Variants in SORL1 observed in about 807,000 individuals in gnomAD.
The protein encoded by SORL1 is sortilin-related receptor.
Under a neutral mutation model 273.7 loss-of-function variants are expected in SORL1, and 127 were observed. The ratio of observed to expected loss-of-function variants is 0.46; its 90% CI spans 0.40 to 0.54. SORL1 has a LOEUF of 0.54. Among genes scored for constraint, SORL1 ranks in the 20% least tolerant of loss-of-function variants. SORL1 has a pLI of 0.00. For missense variants in SORL1, 2,494 were observed against 2,846.1 expected (o/e 0.88, Z 2.81); for synonymous variants, 1,031 against 1,067.4 (o/e 0.97, Z 0.66).
chr11:121,623,633 G>C (rs1863754289), intron 45 of SORL1, among the ~76,000 whole-genome samples: 1 of 152,214 alleles, frequency 6.6e-6, no homozygotes, highest in Admixed American at 6.5e-5. Flanking sequence ...GGTAATAACT[G>C]CTGGCTTATA....
At position 121,514,148 on chromosome 11, in the gene SORL1, A is replaced by G; in HGVS notation, c.1042-4A>G. ...CGTATCTTTTTTGACTTTTGATTCC[A>G]AAGGAATATTACATCGCAGATGCCT... On this transcript the variant is annotated splice_polypyrimidine_tract_variant and splice_region_variant and intron_variant, in intron 7 of 47. Coordinates refer to ENST00000260197, the MANE Select transcript of SORL1 (RefSeq NM_003105.6). 1 of 1,609,830 alleles carries G rather than the reference A, an allele frequency of 6.2e-7. No individual in the cohort carries two copies. Among genetic ancestry groups the G allele is most frequent in the Non-Finnish European group, 8.5e-7 (1 of 1,178,390 alleles).
In SORL1 at chr11:121,559,668, G is replaced by A. The variant is rs1314125178; in HGVS notation, c.3049+11G>A. 5 of 1,613,560 alleles carry A rather than the reference G, an allele frequency of 3.1e-6. No individual in the cohort carries two copies. Among genetic ancestry groups the A allele is most frequent in the South Asian group, 1.1e-5 (1 of 91,006 alleles). On this transcript the variant is annotated intron_variant, in intron 21 of 47. Coordinates refer to ENST00000260197, the MANE Select transcript of SORL1 (RefSeq NM_003105.6). ...AGGGGAAGAACACTGGTAAGCCAGA[G>A]TCTCTTCTTTTGTCTCTGTAGAGTT...
chr11:121,463,925 A>G (rs887308502), intron 1 of SORL1, among the ~76,000 whole-genome samples: 2 of 152,226 alleles, frequency 1.3e-5, no homozygotes, highest in African/African-American at 4.8e-5. Context: ...ATGGTTTGGG[A>G]AAACCTTGTT....
chr11:121,496,077 G>A (rs368274504), intron 5 of SORL1, among the ~76,000 whole-genome samples: 3 of 152,222 alleles, frequency 2.0e-5, no homozygotes, highest in African/African-American at 7.2e-5. Context: ...GGAATTGGAT[G>A]CTGCAGAGGG....
intron 1 of SORL1, among the ~76,000 whole-genome samples, chr11:121,464,744 C>G (rs1861057013): frequency 6.6e-6 from 1 of 152,128 alleles, no homozygotes; most frequent in African/African-American, 2.4e-5. Flanking sequence ...TAGCCTTGGG[C>G]CTGCGGCTGT....
chr11:121,483,932 A>G (rs1861434550), intron 3 of SORL1, among the ~76,000 whole-genome samples: 1 of 152,062 alleles, frequency 6.6e-6, no homozygotes, highest in Non-Finnish European at 1.5e-5. Flanking sequence ...ATGTGACCCC[A>G]GTAAGTAGAG....
chr11:121,562,780 A>G (rs1862697951), intron 21 of SORL1, among the ~76,000 whole-genome samples: 1 of 152,206 alleles, frequency 6.6e-6, no homozygotes, highest in Non-Finnish European at 1.5e-5. Flanking sequence ...AAAAAATCTT[A>G]CACCGAGTTT....
chr11:121,605,581 T>C lies in SORL1; in HGVS notation c.4948+10T>C. On this transcript the variant is annotated intron_variant, in intron 35 of 47. Coordinates refer to ENST00000260197, the MANE Select transcript of SORL1 (RefSeq NM_003105.6). ...AGGACCCCAGAGGGATGTAAGTGTTTCAGTTAATTTTTATGGCATGGGTAA... is the reference window on the plus strand; with the variant it reads ...AGGACCCCAGAGGGATGTAAGTGTTCCAGTTAATTTTTATGGCATGGGTAA... 6.2e-7 allele frequency: 1 copy of C among 1,607,546 alleles called. No homozygotes were observed. The highest frequency in any genetic ancestry group is 8.5e-7 in the Non-Finnish European group (1 of 1,174,780).
At position 121,452,467 on chromosome 11, in the gene SORL1, C is replaced by G. The variant is rs200826396; in HGVS notation, c.136C>G (p.Arg46Gly). ...HGGSAPLPQD[R>G]GFLVVQGDPR... ...CGGCAGCGCGCCCTTGCCCCAGGAC[C>G]GGGGCTTCCTCGTGGTGCAGGGCGA... is the stretch of plus-strand genomic sequence containing the variant. The change falls in exon 1 of 48, where the codon CGG becomes GGG. Residue 46 changes from arginine to glycine, a missense_variant. By Grantham distance (125) the Arg-to-Gly change is moderately radical. This residue lies in a region of SORL1 where 175 missense variants were observed against 147.1 expected (regional missense o/e 1.19). Coordinates refer to ENST00000260197, the MANE Select transcript of SORL1 (RefSeq NM_003105.6). This position sits in a 1 kb window ranked among gnomAD's most constrained non-coding sequence, Gnocchi z 5.3. 1.5e-4 allele frequency: 219 copies of G among 1,507,152 alleles called. No individual in the cohort carries two copies. In the African/African-American group the frequency reaches 3.0e-3, roughly 20 times the overall value. The allele number at this position is 1,507,152 out of a possible 1,614,324, so 93.4% of individuals were successfully genotyped here. A position where few individuals can be genotyped will look rare whatever the true frequency, so the allele number is the denominator to read the frequency against.
chr11:121,617,728 G>T (rs1863661435), intron 41 of SORL1, among the ~76,000 whole-genome samples: 1 of 152,164 alleles, frequency 6.6e-6, no homozygotes, highest in Non-Finnish European at 1.5e-5. Context: ...CCACCCTCCA[G>T]TTATAAACTC....
rs569283983 is a variant in SORL1, at chr11:121,627,936, C to T, written c.6577+169C>T. ...TTGGTTAAACCATTCAGAGCCCTCA[C>T]TTTTTAACTTTTAAGTTAAATTAAA... On this transcript the variant is annotated intron_variant, in intron 47 of 47. Coordinates refer to ENST00000260197, the MANE Select transcript of SORL1 (RefSeq NM_003105.6). This position sits in a 1 kb window ranked among gnomAD's most constrained non-coding sequence, Gnocchi z 4.9. Among the ~76,000 whole-genome samples, 160 of 152,338 alleles carry T rather than the reference C, an allele frequency of 1.1e-3. 1 individual carries two copies. The highest frequency in any genetic ancestry group is 3.7e-3 in the African/African-American group (154 of 41,558).
At chr11:121,568,472 G>T (rs11218346) in intron 22 of SORL1, among the ~76,000 whole-genome samples, 1 of 152,078 alleles carries the variant, frequency 6.6e-6, no homozygotes, top group Admixed American at 6.5e-5. Flanking sequence ...ACCAATCATC[G>T]CATGTCCTTG....
chr11:121,489,944 G>C, intron 4 of SORL1, 99 bp from the exon 5 acceptor site: 1 of 864,072 alleles, frequency 1.2e-6, no homozygotes, highest in Non-Finnish European at 2.0e-6. Context: ...TTCACAGACA[G>C]CGTGTCATGG....
chr11:121,616,163 C>G (rs923575339), intron 41 of SORL1, among the ~76,000 whole-genome samples: 1 of 152,162 alleles, frequency 6.6e-6, no homozygotes, highest in East Asian at 1.9e-4. Flanking sequence ...CTCATCACCC[C>G]CAACTATCTC....
chr11:121,610,967 C>G, intron 38 of SORL1, 109 bp from the exon 39 acceptor site: 2 of 736,078 alleles, frequency 2.7e-6, no homozygotes, highest in Non-Finnish European at 4.8e-6. Context: ...AATACCCTTT[C>G]TTCCCCGACT....
At position 121,554,216 on chromosome 11, in the gene SORL1, AGT is replaced by A. The variant is rs1366641110; in HGVS notation, c.2439+110_2439+111del. 9 of 950,304 alleles carry A rather than the reference AGT, an allele frequency of 9.5e-6. No individual in the cohort carries two copies. Among genetic ancestry groups the A allele is most frequent in the Non-Finnish European group, 1.4e-5 (9 of 637,588 alleles). The allele number at this position is 950,304 out of a possible 1,614,324, so 58.9% of individuals were successfully genotyped here. A position where few individuals can be genotyped will look rare whatever the true frequency, so the allele number is the denominator to read the frequency against. On this transcript the variant is annotated intron_variant, in intron 17 of 47. Coordinates refer to ENST00000260197, the MANE Select transcript of SORL1 (RefSeq NM_003105.6). The surrounding 1 kb of genome is among the most constrained non-coding windows in gnomAD (Gnocchi z 4.6). ...GGAAATGGGCAGTTAGAAGTTTGTA[AGT>A]GTTACTCATCTCAGGGCTGACAGGT...
intron 8 of SORL1, among the ~76,000 whole-genome samples, chr11:121,517,653 A>G (rs1861975609): frequency 6.6e-6 from 1 of 152,206 alleles, no homozygotes; most frequent in Admixed American, 6.5e-5. Context: ...AGCCAGAGCG[A>G]TGGCCCTTTA....
At chr11:121,610,617 T>C (rs1227116808) in intron 38 of SORL1, 4 of 155,594 alleles carry the variant, frequency 2.6e-5, no homozygotes, top group Admixed American at 2.5e-4. Flanking sequence ...AACTCAAGTT[T>C]GCCAGCTTCC....
chr11:121,493,748 G>C (rs1861590477), intron 5 of SORL1, among the ~76,000 whole-genome samples: 1 of 152,256 alleles, frequency 6.6e-6, no homozygotes, highest in East Asian at 1.9e-4. Flanking sequence ...AAGTGTAATG[G>C]TCCCAGAAGA....
Sources: gnomAD v4.1 joint callset for allele counts (sites outside exome capture counted in the v4.1 genomes callset) on GRCh38, gnomAD v4.1.1 for gene constraint, gnomAD v4.1.1 regional missense constraint, Gnocchi (gnomAD v3.1) non-coding constraint, MANE v1.5 for transcripts, NCBI Gene and HGNC (gene_info 2026-07-23, HGNC 2026-07-21) for gene names.